The following CAMTA1 variants were observed in gnomAD, a reference collection of about 807,000 sequenced individuals.
CAMTA1 encodes the protein calmodulin-binding transcription activator 1.
Under a neutral mutation model 170.9 loss-of-function variants are expected in CAMTA1, and 27 were observed. That is an observed-to-expected ratio of 0.16 (90% CI 0.12 to 0.22). The LOEUF (loss-of-function observed/expected upper bound fraction) is 0.22. Ranked by LOEUF, CAMTA1 falls within the 10% of genes least tolerant of loss-of-function variation. The pLI is 1.00. For synonymous variants in CAMTA1, 833 were observed against 891.5 expected (o/e 0.93, Z 1.17); for missense variants, 1,619 against 2,217.2 (o/e 0.73, Z 5.42).
At chr1:7,156,405 T>C (rs566807739) in intron 4 of CAMTA1, among the ~76,000 whole-genome samples, 3 of 151,996 alleles carry the variant, frequency 2.0e-5, no homozygotes, top group Admixed American at 6.5e-5. Context: ...GAGAGAGACA[T>C]GTGGGATCAG....
At position 7,067,202 on chromosome 1, in the gene CAMTA1, A is replaced by G. The variant is rs900516918; in HGVS notation, c.235-24102A>G. Among the ~76,000 whole-genome samples, 3 of 152,158 alleles carry G rather than the reference A, an allele frequency of 2.0e-5. No homozygotes were observed. Among genetic ancestry groups the G allele is most frequent in the Non-Finnish European group, 2.9e-5 (2 of 68,026 alleles). On this transcript the variant is annotated intron_variant, in intron 3 of 22. Transcript: ENST00000303635. This position sits in a 1 kb window ranked among gnomAD's most constrained non-coding sequence, Gnocchi z 4.3. ...GGTTGTTGGTAGGGCTGGTAAATCT[A>G]TGGCATGGAAAAGGTGGAAGAGTTA...
At chr1:7,222,007 C>T (rs1033304162) in intron 4 of CAMTA1, among the ~76,000 whole-genome samples, 3 of 151,986 alleles carry the variant, frequency 2.0e-5, no homozygotes, top group African/African-American at 4.8e-5. Flanking sequence ...TTCTAGAAGT[C>T]GTCTGAACTG....
At chr1:7,163,377 T>C (rs976005147) in intron 4 of CAMTA1, among the ~76,000 whole-genome samples, 3 of 151,210 alleles carry the variant, frequency 2.0e-5, no homozygotes, top group African/African-American at 7.3e-5. Context: ...GATGTTGAGG[T>C]CATCCAGAAT....
At chr1:7,127,339 C>T (rs1644998409) in intron 4 of CAMTA1, among the ~76,000 whole-genome samples, 1 of 142,240 alleles carries the variant, frequency 7.0e-6, no homozygotes, top group African/African-American at 2.6e-5. Context: ...AGGGACCTTG[C>T]TCACCCTCCT....
Position 7,125,910 on chromosome 1 carries a change from G to A in CAMTA1, c.302+34539G>A, listed in dbSNP as rs1312481009. Among the ~76,000 whole-genome samples, 3 of 152,168 alleles carry A rather than the reference G, an allele frequency of 2.0e-5. No individual in the cohort carries two copies. The East Asian group carries it at 5.8e-4, about 29-fold the overall frequency. The stretch of plus-strand genomic sequence containing the variant: ...TGTGTTAGTCCATCTTTATGCTGCT[G>A]ATAGAGACAGGCCTGAGACTGGGTA... On this transcript the variant is annotated intron_variant, in intron 4 of 22. Coordinates refer to ENST00000303635, the MANE Select transcript of CAMTA1 (RefSeq NM_015215.4).
intron 3 of CAMTA1, among the ~76,000 whole-genome samples, chr1:6,876,293 C>T (rs923952821): frequency 6.6e-6 from 1 of 152,072 alleles, no homozygotes; most frequent in Non-Finnish European, 1.5e-5. Flanking sequence ...ACTGTGAGGT[C>T]CCTGAAATCC....
Position 7,104,932 on chromosome 1 carries a change from A to T in CAMTA1, c.302+13561A>T, listed in dbSNP as rs1481195962. On this transcript the variant is annotated intron_variant, in intron 4 of 22. Coordinates refer to ENST00000303635, the MANE Select transcript of CAMTA1 (RefSeq NM_015215.4). ...TACAGAATTCCAAGGTGAGAAAAAA[A>T]ATCTCTCCCTTCACTTTATGAGTAA... Among the ~76,000 whole-genome samples the T allele has an allele frequency of 3.9e-5, 6 of 152,268 alleles. 1 individual carries two copies. The highest frequency in any genetic ancestry group is 3.9e-4 in the Admixed American group (6 of 15,294).
At chr1:7,691,409 G>A (rs567347100) in intron 11 of CAMTA1, among the ~76,000 whole-genome samples, 6 of 152,280 alleles carry the variant, frequency 3.9e-5, no homozygotes, top group South Asian at 2.1e-4. Flanking sequence ...AGGCAGGGAC[G>A]TGACCAAGTT....
At chr1:7,320,979 T>A (rs899774097) in intron 5 of CAMTA1, among the ~76,000 whole-genome samples, 1 of 152,144 alleles carries the variant, frequency 6.6e-6, no homozygotes, top group African/African-American at 2.4e-5. Context: ...CAAACCATCC[T>A]CAAAATACTT....
chr1:6,986,141 G>A (rs1160701576), intron 3 of CAMTA1, among the ~76,000 whole-genome samples: 1 of 152,174 alleles, frequency 6.6e-6, no homozygotes, highest in Non-Finnish European at 1.5e-5. Flanking sequence ...GAGGACGGAG[G>A]GTCTGGGGGA....
chr1:7,516,142 G>T (rs771672447), intron 6 of CAMTA1, among the ~76,000 whole-genome samples: 1 of 152,230 alleles, frequency 6.6e-6, no homozygotes, highest in African/African-American at 2.4e-5. Context: ...GACTTTGTAA[G>T]TCTCCACCGC....
intron 4 of CAMTA1, among the ~76,000 whole-genome samples, chr1:7,120,033 A>G (rs1466466886): frequency 2.0e-5 from 3 of 152,320 alleles, no homozygotes; most frequent in East Asian, 1.9e-4. Context: ...TATTATCACC[A>G]TTCTACAGAT....
chr1:7,692,388 T>C (rs2096326235), intron 11 of CAMTA1, among the ~76,000 whole-genome samples: 1 of 151,788 alleles, frequency 6.6e-6, no homozygotes, highest in East Asian at 1.9e-4. Flanking sequence ...AGGGAGGGGG[T>C]TTCTCAGGCC....
intron 3 of CAMTA1, among the ~76,000 whole-genome samples, chr1:6,898,125 AT>A (rs1318130344): frequency 1.3e-5 from 2 of 152,168 alleles, no homozygotes; most frequent in African/African-American, 4.8e-5. Flanking sequence ...CTCATTAAAT[AT>A]TTCTTAAAAT....
intron 3 of CAMTA1, among the ~76,000 whole-genome samples, chr1:6,944,184 T>C (rs1687195677): frequency 6.6e-6 from 1 of 152,224 alleles, no homozygotes; most frequent in African/African-American, 2.4e-5. Flanking sequence ...TCATCCATGT[T>C]GTAGCATGTG....
rs567868870 is a variant in CAMTA1, at chr1:7,642,570, G to A, written c.664+2017G>A. Among the ~76,000 whole-genome samples, 1 of 152,248 alleles carries A rather than the reference G, an allele frequency of 6.6e-6. No individual in the cohort carries two copies. The highest frequency in any genetic ancestry group is 1.5e-5 in the Non-Finnish European group (1 of 67,984). On this transcript the variant is annotated intron_variant, in intron 7 of 22. Coordinates refer to ENST00000303635, the MANE Select transcript of CAMTA1 (RefSeq NM_015215.4). The surrounding 1 kb of genome is among the most constrained non-coding windows in gnomAD (Gnocchi z 6.3). Reference sequence around the variant, plus strand: ...GGACACTGGGTCCTGCCTAGACCCCGCCCCAGGGGGCCTACTGATACTTTC... The same window carrying A: ...GGACACTGGGTCCTGCCTAGACCCCACCCCAGGGGGCCTACTGATACTTTC...
At position 6,887,891 on chromosome 1, in the gene CAMTA1, C is replaced by T. The variant is rs899090249; in HGVS notation, c.234+62681C>T. 67 of 1,391,720 alleles carry T rather than the reference C, an allele frequency of 4.8e-5. No individual in the cohort carries two copies. Among genetic ancestry groups the T allele is most frequent in the Middle Eastern group, 2.7e-4 (1 of 3,716 alleles). The allele number at this position is 1,391,720 out of a possible 1,614,324, so 86.2% of individuals were successfully genotyped here. A position where few individuals can be genotyped will look rare whatever the true frequency, so the allele number is the denominator to read the frequency against. The stretch of plus-strand genomic sequence containing the variant: ...ATGAAATAGAATAAAGTGACCTACT[C>T]TTGCCTCATCCGGAGTTATTACGAA... On this transcript the variant is annotated intron_variant, in intron 3 of 22. Coordinates refer to ENST00000303635, the MANE Select transcript of CAMTA1 (RefSeq NM_015215.4). The surrounding 1 kb of genome is among the most constrained non-coding windows in gnomAD (Gnocchi z 4.1).
chr1:7,765,006 G>C (rs2097008181), intron 22 of CAMTA1, among the ~76,000 whole-genome samples: 1 of 151,924 alleles, frequency 6.6e-6, no homozygotes, highest in South Asian at 2.1e-4. Flanking sequence ...TAAGATAATA[G>C]GAGAGCCTCT....
intron 1 of CAMTA1, among the ~76,000 whole-genome samples, 149 bp from the exon 2 acceptor site, chr1:6,820,028 CCAGT>C (rs1646306801): frequency 1.3e-5 from 2 of 152,168 alleles, no homozygotes; most frequent in African/African-American, 4.8e-5. Flanking sequence ...GGATTGCAGG[CCAGT>C]CATTTTGTGG....
Sources: gnomAD v4.1 joint callset for allele counts (sites outside exome capture counted in the v4.1 genomes callset) on GRCh38, gnomAD v4.1.1 for gene constraint, Gnocchi (gnomAD v3.1) non-coding constraint, MANE v1.5 for transcripts, NCBI Gene and HGNC (gene_info 2026-07-23, HGNC 2026-07-21) for gene names.